Variants in PRR5L observed in about 807,000 individuals in gnomAD.
The protein encoded by PRR5L is proline rich 5 like, also known as proline-rich protein 5-like.
A neutral mutation model predicts 36.4 loss-of-function variants in PRR5L; 21 were observed. The ratio of observed to expected loss-of-function variants is 0.58; its 90% CI spans 0.41 to 0.83. The LOEUF is 0.83. PRR5L is among the 40% of genes least tolerant of loss of function. The pLI, the probability that PRR5L is intolerant of heterozygous loss-of-function variation, is 0.00. For missense variants in PRR5L, 381 were observed against 473.3 expected (o/e 0.80, Z 1.81); for synonymous variants, 188 against 197.0 (o/e 0.95, Z 0.38).
chr11:36,345,893 G>T (rs969348118), intron 1 of PRR5L, among the ~76,000 whole-genome samples: 1 of 152,216 alleles, frequency 6.6e-6, no homozygotes, highest in South Asian at 2.1e-4. Flanking sequence ...TTTCCTAAAA[G>T]TATAATTCCT....
intron 8 of PRR5L, 91 bp downstream of exon 8, chr11:36,451,426 C>G (rs951268203): frequency 2.0e-6 from 3 of 1,465,064 alleles, no homozygotes; most frequent in Non-Finnish European, 2.8e-6. Context: ...AGCACTGATA[C>G]CAGCACTGTT....
At chr11:36,373,598 T>TAAA (rs560773054) in intron 1 of PRR5L, among the ~76,000 whole-genome samples, 1 of 136,464 alleles carries the variant, frequency 7.3e-6, no homozygotes, top group African/African-American at 2.7e-5. Context: ...GACTCTGTTT[T>TAAA]AAAAAAAAAA....
chr11:36,323,599 G>C (rs1249310452), intron 1 of PRR5L, among the ~76,000 whole-genome samples: 1 of 152,202 alleles, frequency 6.6e-6, no homozygotes, highest in Non-Finnish European at 1.5e-5. Context: ...CAGCCTTCCA[G>C]TGGTATGAAA....
intron 3 of PRR5L, among the ~76,000 whole-genome samples, chr11:36,404,157 A>C (rs1857859326): frequency 6.6e-6 from 1 of 152,126 alleles, no homozygotes; most frequent in Non-Finnish European, 1.5e-5. Context: ...AGAGCACCAG[A>C]AGTTGAGTAG....
chr11:36,419,538 T>A (rs946854879), intron 4 of PRR5L, among the ~76,000 whole-genome samples: 2 of 152,228 alleles, frequency 1.3e-5, no homozygotes, highest in Non-Finnish European at 2.9e-5. Flanking sequence ...AGGACCCCTT[T>A]ACACTCGTAA....
intron 4 of PRR5L, among the ~76,000 whole-genome samples, chr11:36,423,353 G>A (rs1192915459): frequency 6.6e-6 from 1 of 152,180 alleles, no homozygotes; most frequent in Non-Finnish European, 1.5e-5. Flanking sequence ...TACAGCATAT[G>A]GCAGAGAGCT....
At chr11:36,316,855 A>C (rs548040168) in intron 1 of PRR5L, among the ~76,000 whole-genome samples, 1 of 152,212 alleles carries the variant, frequency 6.6e-6, no homozygotes, top group Admixed American at 6.5e-5. Context: ...GGAAAGGGTT[A>C]CTATCAATTT....
In PRR5L at chr11:36,302,514, G is replaced by A. The variant is rs536449208; in HGVS notation, c.-126+6076G>A. ...GAAAGATGCTGGCTCAGCTGGGTGC[G>A]GGGGCTCACACCTGTTATCCCAGCA... On this transcript the variant is annotated intron_variant, in intron 1 of 8. Coordinates refer to ENST00000530639, the MANE Select transcript of PRR5L (RefSeq NM_001160167.2). 1.1e-4 allele frequency among the ~76,000 whole-genome samples: 16 copies of A among 151,880 alleles called. No individual in the cohort carries two copies. In the East Asian group the frequency reaches 2.5e-3, roughly 24 times the overall value.
intron 3 of PRR5L, among the ~76,000 whole-genome samples, chr11:36,418,522 C>T (rs1278642456): frequency 6.6e-6 from 1 of 152,086 alleles, no homozygotes; most frequent in African/African-American, 2.4e-5. Context: ...TACTACTACC[C>T]GCGGTGGCTC....
At chr11:36,403,798 G>A (rs1857852450) in intron 3 of PRR5L, among the ~76,000 whole-genome samples, 1 of 152,166 alleles carries the variant, frequency 6.6e-6, no homozygotes, top group Admixed American at 6.5e-5. Flanking sequence ...CGTCTCTGTT[G>A]GCCAGGCACT....
chr11:36,406,357 A>C (rs1375989041), intron 3 of PRR5L, among the ~76,000 whole-genome samples: 2 of 152,222 alleles, frequency 1.3e-5, no homozygotes, highest in Admixed American at 6.5e-5. Context: ...CTTAAAAAAA[A>C]AATCAGAGCT....
At chr11:36,380,037 C>T (rs1290275237) in intron 1 of PRR5L, among the ~76,000 whole-genome samples, 2 of 152,124 alleles carry the variant, frequency 1.3e-5, no homozygotes, top group Non-Finnish European at 2.9e-5. Context: ...GATATCTACC[C>T]TTGAAGGCCT....
chr11:36,388,698 C>T (rs10836546), intron 1 of PRR5L, among the ~76,000 whole-genome samples: 58,461 of 108,768 alleles, frequency 0.54, 16,068 homozygotes, highest in Non-Finnish European at 0.63. Flanking sequence ...CTCTTTCTTT[C>T]TTTTTTTTTT....
chr11:36,398,948 T>C (rs1253388932), intron 1 of PRR5L: 1 of 152,270 alleles, frequency 6.6e-6, no homozygotes, highest in African/African-American at 2.4e-5. Flanking sequence ...GTTAATATCC[T>C]GTAATTACAC....
chr11:36,413,837 T>C (rs995056281), intron 3 of PRR5L, among the ~76,000 whole-genome samples: 24 of 148,312 alleles, frequency 1.6e-4, no homozygotes, highest in Non-Finnish European at 3.1e-4. Flanking sequence ...GCATTAGGTA[T>C]ATCTCCTAAT....
chr11:36,461,237 C>T (rs1043161445), intron 8 of PRR5L, among the ~76,000 whole-genome samples: 1 of 152,164 alleles, frequency 6.6e-6, no homozygotes, highest in Non-Finnish European at 1.5e-5. Flanking sequence ...GAAACTGATA[C>T]AATACCATGA....
At chr11:36,336,583 A>G (rs1393405046) in intron 1 of PRR5L, among the ~76,000 whole-genome samples, 4 of 117,512 alleles carry the variant, frequency 3.4e-5, no homozygotes, top group Non-Finnish European at 6.8e-5. Flanking sequence ...TATGTCAGGG[A>G]TTTTTCTGTG....
chr11:36,351,663 A>T (rs1234267748), intron 1 of PRR5L, among the ~76,000 whole-genome samples: 1 of 3,442 alleles, frequency 2.9e-4, no homozygotes, highest in African/African-American at 8.9e-4. Flanking sequence ...ATATAAATAT[A>T]TATTTATATA....
intron 8 of PRR5L, among the ~76,000 whole-genome samples, chr11:36,459,752 T>C (rs976425583): frequency 1.3e-5 from 2 of 152,202 alleles, no homozygotes; most frequent in African/African-American, 4.8e-5. Context: ...GTTAATACTT[T>C]AGCCCCTCTG....
Sources: gnomAD v4.1 joint callset for allele counts (sites outside exome capture counted in the v4.1 genomes callset) on GRCh38, gnomAD v4.1.1 for gene constraint, MANE v1.5 for transcripts, NCBI Gene and HGNC (gene_info 2026-07-23, HGNC 2026-07-21) for gene names.